The following GPC6 variants were observed in gnomAD, a reference collection of about 807,000 sequenced individuals.
GPC6 encodes the protein glypican 6.
GPC6 carries 14 observed loss-of-function variants against 55.2 expected under a neutral mutation model. That is an observed-to-expected ratio of 0.25 (90% CI 0.17 to 0.40). The LOEUF (loss-of-function observed/expected upper bound fraction) is 0.40, where lower values mean the gene tolerates loss of function less well. GPC6 is among the 10% of genes least tolerant of loss of function. The pLI is 1.00. For missense variants in GPC6, 641 were observed against 708.5 expected, an observed-to-expected ratio of 0.90 and a Z score of 1.08; for synonymous variants, 278 against 259.6, an observed-to-expected ratio of 1.07 and a Z score of -0.68.
chr13:94,163,676 T>C (rs370727410), intron 4 of GPC6, among the ~76,000 whole-genome samples: 12 of 152,302 alleles, frequency 7.9e-5, no homozygotes, highest in African/African-American at 2.9e-4. Flanking sequence ...CAAGTAGCAA[T>C]GCAACTGCTC....
chr13:94,160,106 A>G (rs1888102084), intron 4 of GPC6, among the ~76,000 whole-genome samples: 1 of 152,210 alleles, frequency 6.6e-6, no homozygotes, highest in South Asian at 2.1e-4. Flanking sequence ...ATACGATAAG[A>G]TATTTTGAGA....
At chr13:93,616,547 T>C (rs1878730953) in intron 2 of GPC6, among the ~76,000 whole-genome samples, 1 of 152,100 alleles carries the variant, frequency 6.6e-6, no homozygotes, top group Admixed American at 6.6e-5. Context: ...TCTCTGGATT[T>C]GCAAGAGTCA....
intron 3 of GPC6, among the ~76,000 whole-genome samples, chr13:93,908,019 A>G (rs937105659): frequency 6.6e-6 from 1 of 152,148 alleles, no homozygotes; most frequent in African/African-American, 2.4e-5. Flanking sequence ...AAACAAAAAT[A>G]TATTAAAATC....
chr13:93,578,035 T>C (rs2139484329), intron 2 of GPC6, among the ~76,000 whole-genome samples: 1 of 152,260 alleles, frequency 6.6e-6, no homozygotes, highest in South Asian at 2.1e-4. Flanking sequence ...TGTTGAGCCA[T>C]CCTTGGTATG....
intron 2 of GPC6, among the ~76,000 whole-genome samples, chr13:93,666,264 A>T (rs191392257): frequency 6.6e-6 from 1 of 152,302 alleles, no homozygotes; most frequent in Non-Finnish European, 1.5e-5. Flanking sequence ...CTTGCCACAA[A>T]TTTCCCAATG....
chr13:93,420,784 C>T (rs1876893616), intron 1 of GPC6, among the ~76,000 whole-genome samples: 1 of 152,136 alleles, frequency 6.6e-6, no homozygotes, highest in African/African-American at 2.4e-5. Context: ...TGCCAAGGAA[C>T]TGCTGTAAGT....
intron 1 of GPC6, among the ~76,000 whole-genome samples, chr13:93,350,549 A>T (rs1880598926): frequency 6.6e-6 from 1 of 152,208 alleles, no homozygotes; most frequent in Non-Finnish European, 1.5e-5. Context: ...TTGGACAGAT[A>T]ATTACAAAGC....
At chr13:93,886,700 C>T (rs1006058688) in intron 3 of GPC6, among the ~76,000 whole-genome samples, 23 of 150,242 alleles carry the variant, frequency 1.5e-4, no homozygotes, top group Non-Finnish European at 1.3e-4. Flanking sequence ...CATACAATGA[C>T]GTTTGTAGAT....
chr13:94,353,844 G>C (rs1878668631), intron 6 of GPC6, among the ~76,000 whole-genome samples: 1 of 152,126 alleles, frequency 6.6e-6, no homozygotes, highest in Non-Finnish European at 1.5e-5. Context: ...TGTGGAGAGA[G>C]AGCAATAACC....
intron 4 of GPC6, among the ~76,000 whole-genome samples, chr13:94,226,248 T>C (rs567809380): frequency 6.6e-6 from 1 of 152,196 alleles, no homozygotes; most frequent in South Asian, 2.1e-4. Flanking sequence ...GATTCAGAAA[T>C]GAAGATGCAA....
chr13:93,410,910 T>C (rs1876472162), intron 1 of GPC6, among the ~76,000 whole-genome samples: 1 of 152,204 alleles, frequency 6.6e-6, no homozygotes, highest in Admixed American at 6.5e-5. Context: ...AAAACAGTTC[T>C]AGGCAAAATT....
At chr13:93,747,226 G>A (rs1044889025) in intron 2 of GPC6, among the ~76,000 whole-genome samples, 2 of 152,132 alleles carry the variant, frequency 1.3e-5, no homozygotes, top group Non-Finnish European at 2.9e-5. Context: ...AGAAATTGGT[G>A]GAGGCCTTTG....
chr13:94,238,074 T>C (rs1458556079), intron 4 of GPC6, among the ~76,000 whole-genome samples: 2 of 152,134 alleles, frequency 1.3e-5, no homozygotes, highest in Non-Finnish European at 2.9e-5. Context: ...ACGAGGTAGA[T>C]AAACATGCCA....
chr13:93,684,177 A>AT lies in GPC6; in HGVS notation c.319+138762dup, dbSNP rs2055140506. Among the ~76,000 whole-genome samples the AT allele has an allele frequency of 3.9e-5, 6 of 151,934 alleles. No individual in the cohort carries two copies. In the South Asian group the frequency reaches 1.2e-3, roughly 32 times the overall value. ...CTCTATTCTCGATTTTCCACTGCAA[A>AT]TTTTTTGTTTGTTTGTTTGTGTTTT... is the stretch of plus-strand genomic sequence containing the variant. On this transcript the variant is annotated intron_variant, in intron 2 of 8. Coordinates refer to ENST00000377047, the MANE Select transcript of GPC6 (RefSeq NM_005708.5).
chr13:93,225,853 A>G (rs1875760015), upstream of GPC6, among the ~76,000 whole-genome samples: 1 of 152,224 alleles, frequency 6.6e-6, no homozygotes, highest in African/African-American at 2.4e-5. Context: ...GTGCTGACCT[A>G]TGACACATAG....
chr13:93,916,713 T>C (rs930304243), intron 3 of GPC6, among the ~76,000 whole-genome samples: 1 of 151,942 alleles, frequency 6.6e-6, no homozygotes, highest in African/African-American at 2.4e-5. Flanking sequence ...AATACGAAAC[T>C]GTGTTGTTCT....
chr13:94,041,787 T>A (rs924115918), intron 4 of GPC6, among the ~76,000 whole-genome samples: 1 of 151,920 alleles, frequency 6.6e-6, no homozygotes, highest in South Asian at 2.1e-4. Flanking sequence ...TTACCAATTG[T>A]TATTCTTTAT....
At chr13:94,062,304 T>C (rs1173952286) in intron 4 of GPC6, among the ~76,000 whole-genome samples, 1 of 152,058 alleles carries the variant, frequency 6.6e-6, no homozygotes, top group Non-Finnish European at 1.5e-5. Flanking sequence ...CAGGCTGGAG[T>C]GCAGTGGCAC....
intron 1 of GPC6, among the ~76,000 whole-genome samples, chr13:93,294,214 C>A (rs748082841): frequency 1.3e-5 from 2 of 152,038 alleles, no homozygotes; most frequent in Admixed American, 6.6e-5. Flanking sequence ...ATTATATATA[C>A]AATTTAGTTT....
Sources: gnomAD v4.1 joint callset for allele counts (sites outside exome capture counted in the v4.1 genomes callset) on GRCh38, gnomAD v4.1.1 for gene constraint, MANE v1.5 for transcripts, NCBI Gene and HGNC (gene_info 2026-07-23, HGNC 2026-07-21) for gene names.